Variants in PRCP observed in about 807,000 individuals in gnomAD.
The protein encoded by PRCP is prolylcarboxypeptidase, also known as lysosomal Pro-X carboxypeptidase.
PRCP carries 46 observed loss-of-function variants against 54.2 expected under a neutral mutation model. The ratio of observed to expected loss-of-function variants is 0.85; its 90% CI spans 0.67 to 1.09. The LOEUF is 1.09. PRCP is among the 50% of genes least tolerant of loss of function. The probability of loss-of-function intolerance (pLI) is 0.00; values close to 1 mark genes in which losing one functional copy is unlikely to be tolerated. For synonymous variants in PRCP, 240 were observed against 212.2 expected (o/e 1.13, Z -1.14); for missense variants, 613 against 596.8 (o/e 1.03, Z -0.28).
chr11:82,838,265 G>A, intron 8 of PRCP, 122 bp downstream of exon 8: 1 of 875,464 alleles, frequency 1.1e-6, no homozygotes, highest in Non-Finnish European at 1.7e-6. Flanking sequence ...AGGAAAACAT[G>A]ACAGGTAGCA....
intron 1 of PRCP, among the ~76,000 whole-genome samples, chr11:82,873,683 A>T (rs373235260): frequency 2.0e-5 from 3 of 152,390 alleles, no homozygotes; most frequent in East Asian, 3.9e-4. Context: ...GTATTACAAC[A>T]TAATGCTAAA....
intron 1 of PRCP, among the ~76,000 whole-genome samples, chr11:82,891,896 A>G (rs1456023830): frequency 6.6e-6 from 1 of 152,226 alleles, no homozygotes; most frequent in Non-Finnish European, 1.5e-5. Context: ...TTAAGACCAT[A>G]ATTTTTTGGG....
chr11:82,888,778 C>T (rs1439522853), intron 1 of PRCP, among the ~76,000 whole-genome samples: 1 of 152,186 alleles, frequency 6.6e-6, no homozygotes, highest in African/African-American at 2.4e-5. Context: ...TTTCCTTAAC[C>T]TTCCCCTCCT....
chr11:82,853,370 C>A, intron 2 of PRCP, 92 bp from the exon 3 acceptor site: 2 of 983,126 alleles, frequency 2.0e-6, no homozygotes, highest in South Asian at 1.9e-5. Flanking sequence ...AGATGTTAAG[C>A]CAGAACAAAA....
intron 2 of PRCP, among the ~76,000 whole-genome samples, chr11:82,859,679 T>C (rs1859164590): frequency 6.6e-6 from 1 of 152,086 alleles, no homozygotes; most frequent in African/African-American, 2.4e-5. Flanking sequence ...CCATGAAAAA[T>C]ACAATAAAAT....
At chr11:82,863,883 A>G (rs1269628696) in intron 1 of PRCP, among the ~76,000 whole-genome samples, 1 of 152,210 alleles carries the variant, frequency 6.6e-6, no homozygotes, top group Non-Finnish European at 1.5e-5. Flanking sequence ...AACCCTGGCA[A>G]GAAAGCAGAC....
At chr11:82,845,223 C>T (rs1858779185) in intron 6 of PRCP, among the ~76,000 whole-genome samples, 1 of 152,064 alleles carries the variant, frequency 6.6e-6, no homozygotes. Context: ...GATCTGCAAC[C>T]AAGTATTTCA....
intron 6 of PRCP, among the ~76,000 whole-genome samples, chr11:82,845,207 T>G (rs1003495373): frequency 6.6e-6 from 1 of 152,198 alleles, no homozygotes; most frequent in African/African-American, 2.4e-5. Context: ...ACTACCAAAC[T>G]AATCAGATCT....
At chr11:82,867,349 AT>A (rs1859362640) in intron 1 of PRCP, among the ~76,000 whole-genome samples, 1 of 152,158 alleles carries the variant, frequency 6.6e-6, no homozygotes, top group African/African-American at 2.4e-5. Flanking sequence ...TTGCTAAGTT[AT>A]CAAAATGCTG....
At chr11:82,900,608 C>T, upstream of PRCP, 1 of 716,960 alleles carries the variant, frequency 1.4e-6, no homozygotes, top group South Asian at 1.5e-5. Flanking sequence ...GACACCGCCT[C>T]CACTCCACTT....
chr11:82,866,015 A>G (rs1859326573), intron 1 of PRCP, among the ~76,000 whole-genome samples: 1 of 152,220 alleles, frequency 6.6e-6, no homozygotes. Context: ...CCCTAGAGGT[A>G]GGACAAGATC....
chr11:82,896,102 T>C (rs920771423), intron 1 of PRCP, among the ~76,000 whole-genome samples: 1 of 152,228 alleles, frequency 6.6e-6, no homozygotes, highest in Non-Finnish European at 1.5e-5. Flanking sequence ...GACAGAGTTG[T>C]GAAGGAACTA....
At chr11:82,896,548 G>A (rs188741440) in intron 1 of PRCP, among the ~76,000 whole-genome samples, 13 of 151,600 alleles carry the variant, frequency 8.6e-5, no homozygotes, top group East Asian at 1.9e-4. Flanking sequence ...GCGTGGTGGC[G>A]GGCACCTGTA....
chr11:82,853,470 T>G (rs2121155108), intron 2 of PRCP, among the ~76,000 whole-genome samples, 192 bp from the exon 3 acceptor site: 1 of 152,326 alleles, frequency 6.6e-6, no homozygotes, highest in South Asian at 2.1e-4. Flanking sequence ...ATCTCACACT[T>G]TATGAGTGAA....
intron 6 of PRCP, among the ~76,000 whole-genome samples, chr11:82,841,097 C>T (rs1025404806): frequency 1.2e-5 from 1 of 85,592 alleles, no homozygotes; most frequent in African/African-American, 5.7e-5. Flanking sequence ...AGAGAAGAAG[C>T]CAGGAAAGGA....
intron 1 of PRCP, among the ~76,000 whole-genome samples, chr11:82,866,782 C>T (rs982205415): frequency 2.0e-5 from 3 of 151,524 alleles, no homozygotes; most frequent in Non-Finnish European, 2.9e-5. Flanking sequence ...AGTGCAGGGG[C>T]GTGATCTCGG....
At chr11:82,891,920 A>G (rs1860016244) in intron 1 of PRCP, among the ~76,000 whole-genome samples, 1 of 152,250 alleles carries the variant, frequency 6.6e-6, no homozygotes, top group African/African-American at 2.4e-5. Flanking sequence ...ACAATATTCC[A>G]TTTTATAGAC....
chr11:82,852,577 C>T (rs898205796), intron 3 of PRCP, among the ~76,000 whole-genome samples: 8 of 152,096 alleles, frequency 5.3e-5, no homozygotes, highest in Non-Finnish European at 1.0e-4. Context: ...GTACACGTGG[C>T]AAATTAATAT....
chr11:82,870,160 C>T (rs1302031939), intron 1 of PRCP, among the ~76,000 whole-genome samples: 1 of 152,182 alleles, frequency 6.6e-6, no homozygotes, highest in Non-Finnish European at 1.5e-5. Flanking sequence ...ATAACTTTAC[C>T]TGAGAAACAG....
Sources: allele counts gnomAD v4.1 joint callset (sites outside exome capture counted in the v4.1 genomes callset), GRCh38; gene constraint gnomAD v4.1.1; transcripts MANE v1.5; gene names NCBI Gene and HGNC (gene_info 2026-07-23, HGNC 2026-07-21).